PPFIBP2: variants seen among roughly 807,000 people sequenced by gnomAD.
PPFIBP2 encodes the protein PPFIB scaffold protein 2.
PPFIBP2 carries 118 observed loss-of-function variants against 118.3 expected under a neutral mutation model. The ratio of observed to expected loss-of-function variants is 1.00; its 90% CI spans 0.86 to 1.16. PPFIBP2 has a LOEUF of 1.16. Ranked by LOEUF, PPFIBP2 falls within the 50% of genes most tolerant of loss-of-function variation. The probability of loss-of-function intolerance (pLI) is 0.00; values close to 1 mark genes in which losing one functional copy is unlikely to be tolerated. For missense variants in PPFIBP2, 1,195 were observed against 1,073.1 expected (o/e 1.11, Z -1.59); for synonymous variants, 414 against 397.4 (o/e 1.04, Z -0.50).
intron 3 of PPFIBP2, among the ~76,000 whole-genome samples, chr11:7,575,497 C>G (rs1162335098): frequency 6.6e-6 from 1 of 152,172 alleles, no homozygotes; most frequent in Non-Finnish European, 1.5e-5. Flanking sequence ...GCACTCCTCC[C>G]AGGAGAGGGG....
At chr11:7,666,025 CTG>C in the PPFIBP2 span, 1 of 970,342 alleles carries the variant, frequency 1.0e-6, no homozygotes. Context: ...GGGATGCTGT[CTG>C]GGCTGCAGCA....
intron 3 of PPFIBP2, among the ~76,000 whole-genome samples, chr11:7,567,378 G>A (rs944749546): frequency 6.6e-6 from 1 of 152,158 alleles, no homozygotes; most frequent in Middle Eastern, 3.2e-3. Flanking sequence ...AAGATGCATT[G>A]GTAGAAAACA....
At chr11:7,613,952 C>T (rs1290962818) in intron 6 of PPFIBP2, among the ~76,000 whole-genome samples, 1 of 152,206 alleles carries the variant, frequency 6.6e-6, no homozygotes, top group East Asian at 1.9e-4. Context: ...ATGGAAACAT[C>T]TCACAGCACA....
intron 3 of PPFIBP2, chr11:7,577,334 T>TGTGTGTGTGC (rs1564994381): frequency 1.3e-4 from 34 of 271,332 alleles, no homozygotes; most frequent in Non-Finnish European, 1.8e-4. Flanking sequence ...TGTGTGTGTG[T>TGTGTGTGTGC]GTGTGTGTGT....
intron 1 of PPFIBP2, among the ~76,000 whole-genome samples, chr11:7,525,397 G>A (rs1304238598): frequency 5.9e-5 from 9 of 152,146 alleles, no homozygotes; most frequent in East Asian, 1.9e-4. Context: ...TTTTATTCCC[G>A]TCTCAGGAAG....
chr11:7,573,871 C>T (rs1855947821), intron 3 of PPFIBP2: 1 of 152,246 alleles, frequency 6.6e-6, no homozygotes, highest in South Asian at 2.1e-4. Context: ...GGTGATAGGT[C>T]AGTGGAACAG....
chr11:7,561,999 CTG>C (rs1854352058), intron 2 of PPFIBP2, among the ~76,000 whole-genome samples: 1 of 152,198 alleles, frequency 6.6e-6, no homozygotes, highest in African/African-American at 2.4e-5. Context: ...CAGGATGAAA[CTG>C]TTCTACCTCA....
At chr11:7,564,890 C>G (rs945894731) in intron 2 of PPFIBP2, among the ~76,000 whole-genome samples, 4 of 152,196 alleles carry the variant, frequency 2.6e-5, no homozygotes, top group African/African-American at 9.7e-5. Flanking sequence ...CCACTGCTTT[C>G]TGTTGATCAG....
Position 7,649,448 on chromosome 11 carries a change from T to TCC in PPFIBP2, c.1999-83_1999-82insCC, listed in dbSNP as rs1319495220. 9 of 1,559,206 alleles carry TCC rather than the reference T, an allele frequency of 5.8e-6. No homozygotes were observed. The African/African-American group carries it at 1.1e-4, about 19-fold the overall frequency. ...ACCTTCCTGAGATGTGGTTGACTTG[T>TCC]CTATGCTTGGTCTGGTGAGGGACAT... On this transcript the variant is annotated intron_variant, in intron 20 of 23. Transcript: ENST00000299492.
chr11:7,585,389 A>G (rs138041290), intron 3 of PPFIBP2, among the ~76,000 whole-genome samples: 297 of 152,272 alleles, frequency 2.0e-3, no homozygotes, highest in African/African-American at 6.8e-3. Flanking sequence ...CTTGTATACC[A>G]ATGACACCCC....
At chr11:7,564,331 G>C (rs1854699133) in intron 2 of PPFIBP2, among the ~76,000 whole-genome samples, 1 of 152,080 alleles carries the variant, frequency 6.6e-6, no homozygotes, top group African/African-American at 2.4e-5. Context: ...GTGTCTACTG[G>C]GTAGAGTGCA....
chr11:7,664,081 G>A, the PPFIBP2 span, among the ~76,000 whole-genome samples: 1 of 152,208 alleles, frequency 6.6e-6, no homozygotes, highest in African/African-American at 2.4e-5. Flanking sequence ...CGGTACCTCA[G>A]ATGGAAATGC....
At chr11:7,653,855 ACT>A (rs1473388196), downstream of PPFIBP2, 68 of 1,127,916 alleles carry the variant, frequency 6.0e-5, no homozygotes, top group Non-Finnish European at 7.5e-5. Context: ...AGCCGGTGGC[ACT>A]GAGCCTAGTC....
intron 1 of PPFIBP2, among the ~76,000 whole-genome samples, chr11:7,536,130 G>A (rs1851190056): frequency 6.6e-6 from 1 of 152,196 alleles, no homozygotes; most frequent in African/African-American, 2.4e-5. Flanking sequence ...AGAAACCCGA[G>A]GCACAGAGGT....
At chr11:7,576,849 A>T (rs1856408568) in intron 3 of PPFIBP2, 1 of 152,366 alleles carries the variant, frequency 6.6e-6, no homozygotes, top group South Asian at 2.1e-4. Flanking sequence ...CCCAGACTGG[A>T]GCTGCTTTTT....
chr11:7,656,711 G>A (rs756284013), downstream of PPFIBP2: 1 of 1,289,732 alleles, frequency 7.8e-7, no homozygotes, highest in South Asian at 1.2e-5. Context: ...TGACCCTTCG[G>A]CTGTGTCCTT....
In PPFIBP2 at chr11:7,641,504, C is replaced by T. The variant is rs765661676; in HGVS notation, c.1401C>T (p.Asp467=). ...RLRDTESGWD[D]TAVVNDLSST... ...GAGACACAGAAAGTGGCTGGGACGA[C>T]ACTGCTGTGGTCAATGACCTCTCAT... Residue 467 remains aspartate, a synonymous_variant, in exon 16 of 24, where the codon GAC becomes GAT. Coordinates refer to ENST00000299492, the MANE Select transcript of PPFIBP2 (RefSeq NM_003621.5). 3 of 1,613,890 alleles carry T rather than the reference C, an allele frequency of 1.9e-6. No homozygotes were observed. The highest frequency in any genetic ancestry group is 1.7e-6 in the Non-Finnish European group (2 of 1,179,748).
intron 3 of PPFIBP2, 137 bp downstream of exon 3, chr11:7,565,904 T>C (rs1854915027): frequency 1.1e-6 from 1 of 932,684 alleles, no homozygotes; most frequent in African/African-American, 1.7e-5. Flanking sequence ...TGGCCAACGC[T>C]GCAGGGTGGC....
intron 3 of PPFIBP2, among the ~76,000 whole-genome samples, chr11:7,568,454 T>C (rs1300258913): frequency 1.3e-5 from 2 of 152,142 alleles, no homozygotes; most frequent in African/African-American, 4.8e-5. Context: ...ATTTCTTTAG[T>C]ATGTTTTTGT....
Sources: gnomAD v4.1 joint callset for allele counts (sites outside exome capture counted in the v4.1 genomes callset) on GRCh38, gnomAD v4.1.1 for gene constraint, MANE v1.5 for transcripts, NCBI Gene and HGNC (gene_info 2026-07-23, HGNC 2026-07-21) for gene names.